Variants in PPM1H observed in about 807,000 individuals in gnomAD.
PPM1H encodes the protein protein phosphatase 1H.
PPM1H carries 27 observed loss-of-function variants against 54.9 expected under a neutral mutation model. The observed-to-expected ratio is 0.49, with a 90% CI of 0.36 to 0.68. The LOEUF is 0.68. Among genes scored for constraint, PPM1H ranks in the 30% least tolerant of loss-of-function variants. The probability of loss-of-function intolerance (pLI) is 0.00; values close to 1 mark genes in which losing one functional copy is unlikely to be tolerated. For missense variants in PPM1H, 596 were observed against 667.8 expected (o/e 0.89, Z 1.19); for synonymous variants, 305 against 270.8 (o/e 1.13, Z -1.24).
At chr12:62,877,394 CA>C (rs1358440723) in intron 1 of PPM1H, among the ~76,000 whole-genome samples, 5 of 152,330 alleles carry the variant, frequency 3.3e-5, no homozygotes, top group Middle Eastern at 3.4e-3. Context: ...ACCTACAGAG[CA>C]GTCAGTGCTC....
intron 1 of PPM1H, among the ~76,000 whole-genome samples, chr12:62,895,142 G>A (rs766727480): frequency 5.3e-5 from 8 of 152,146 alleles, no homozygotes; most frequent in African/African-American, 1.2e-4. Context: ...TCTATTTAGC[G>A]GGGCATCCCC....
chr12:62,703,364 C>T (rs2076154672), intron 6 of PPM1H, among the ~76,000 whole-genome samples: 2 of 150,094 alleles, frequency 1.3e-5, no homozygotes, highest in South Asian at 4.2e-4. Flanking sequence ...TTGAAATAGT[C>T]ATAAAAGGAG....
intron 1 of PPM1H, among the ~76,000 whole-genome samples, chr12:62,868,671 A>G (rs1048467438): frequency 1.5e-4 from 23 of 152,262 alleles, no homozygotes; most frequent in African/African-American, 5.5e-4. Context: ...AAATATGCAC[A>G]GGAGAAGATG....
At chr12:62,853,054 A>G (rs1212178073) in intron 1 of PPM1H, among the ~76,000 whole-genome samples, 1 of 152,190 alleles carries the variant, frequency 6.6e-6, no homozygotes, top group Non-Finnish European at 1.5e-5. Flanking sequence ...CTTATAATAA[A>G]AAGGCCATAA....
intron 4 of PPM1H, among the ~76,000 whole-genome samples, chr12:62,742,182 C>A (rs1039003008): frequency 6.6e-6 from 1 of 152,290 alleles, no homozygotes; most frequent in East Asian, 1.9e-4. Context: ...AATATGACTG[C>A]CAGGGCAAGC....
chr12:62,783,877 C>T (rs2076656124), intron 4 of PPM1H, among the ~76,000 whole-genome samples: 1 of 152,142 alleles, frequency 6.6e-6, no homozygotes, highest in Admixed American at 6.5e-5. Context: ...TTCCTCAGTG[C>T]CTTAGTTCTC....
At chr12:62,797,493 C>T (rs2652024) in intron 3 of PPM1H, among the ~76,000 whole-genome samples, 12 of 151,780 alleles carry the variant, frequency 7.9e-5, no homozygotes, top group South Asian at 2.1e-4. Context: ...GTGGCTACTG[C>T]GGTGAAAAAA....
At chr12:62,707,627 C>A (rs1021787872) in intron 6 of PPM1H, among the ~76,000 whole-genome samples, 1 of 152,052 alleles carries the variant, frequency 6.6e-6, no homozygotes, top group African/African-American at 2.4e-5. Context: ...TAAAATAGAC[C>A]CTGAAATGTT....
At chr12:62,771,998 A>T (rs1348471202) in intron 4 of PPM1H, among the ~76,000 whole-genome samples, 3 of 152,214 alleles carry the variant, frequency 2.0e-5, no homozygotes, top group Non-Finnish European at 4.4e-5. Context: ...CCTAATTTAC[A>T]GACGAGGTAA....
intron 1 of PPM1H, among the ~76,000 whole-genome samples, chr12:62,912,103 T>C (rs1445348567): frequency 6.6e-6 from 1 of 152,234 alleles, no homozygotes; most frequent in African/African-American, 2.4e-5. Flanking sequence ...CACAATACTC[T>C]TGAGCCTACA....
intron 1 of PPM1H, among the ~76,000 whole-genome samples, chr12:62,856,647 T>C (rs1869400282): frequency 1.3e-5 from 2 of 152,214 alleles, no homozygotes; most frequent in Non-Finnish European, 2.9e-5. Flanking sequence ...TCACTATATG[T>C]ATTGCAACAT....
chr12:62,672,065 C>G (rs1438226476), intron 8 of PPM1H, among the ~76,000 whole-genome samples: 1 of 152,140 alleles, frequency 6.6e-6, no homozygotes, highest in Non-Finnish European at 1.5e-5. Context: ...CAATGCCCAA[C>G]TTAACACCTG....
intron 3 of PPM1H, among the ~76,000 whole-genome samples, chr12:62,790,118 C>T (rs1206997105): frequency 1.3e-5 from 2 of 152,194 alleles, no homozygotes; most frequent in Non-Finnish European, 2.9e-5. Context: ...AGCTCAGCTG[C>T]TTCAACCAGA....
intron 1 of PPM1H, among the ~76,000 whole-genome samples, chr12:62,902,064 T>C (rs1280540427): frequency 1.3e-4 from 20 of 152,100 alleles, no homozygotes; most frequent in Non-Finnish European, 5.9e-5. Flanking sequence ...TGAAACACTT[T>C]AAAATAAAAG....
At chr12:62,827,276 G>C (rs1383554888) in intron 2 of PPM1H, among the ~76,000 whole-genome samples, 1 of 152,028 alleles carries the variant, frequency 6.6e-6, no homozygotes, top group African/African-American at 2.4e-5. Context: ...GCTGAGCCTG[G>C]TACCTTCATC....
intron 4 of PPM1H, among the ~76,000 whole-genome samples, chr12:62,780,257 A>T (rs931770134): frequency 2.0e-5 from 3 of 152,306 alleles, no homozygotes; most frequent in African/African-American, 4.8e-5. Flanking sequence ...AAATACATTT[A>T]AAAAAATGTG....
At chr12:62,854,246 A>T (rs1418947630) in intron 1 of PPM1H, among the ~76,000 whole-genome samples, 1 of 152,160 alleles carries the variant, frequency 6.6e-6, no homozygotes, top group Non-Finnish European at 1.5e-5. Flanking sequence ...AAACTAGATC[A>T]CTCAGGCAAC....
chr12:62,923,127 C>G (rs1871854361), intron 1 of PPM1H, among the ~76,000 whole-genome samples: 1 of 152,160 alleles, frequency 6.6e-6, no homozygotes, highest in Non-Finnish European at 1.5e-5. Context: ...TTTTTCTCAA[C>G]TGAGGATGTC....
At chr12:62,665,190 C>T (rs1032272485) in intron 9 of PPM1H, among the ~76,000 whole-genome samples, 1 of 152,012 alleles carries the variant, frequency 6.6e-6, no homozygotes, top group Non-Finnish European at 1.5e-5. Context: ...TGGAATTACA[C>T]ACATGCATCA....
Sources: gnomAD v4.1 joint callset for allele counts (sites outside exome capture counted in the v4.1 genomes callset) on GRCh38, gnomAD v4.1.1 for gene constraint, MANE v1.5 for transcripts, NCBI Gene and HGNC (gene_info 2026-07-23, HGNC 2026-07-21) for gene names.